The following VGLL4 variants were observed in gnomAD, a reference collection of about 807,000 sequenced individuals.
VGLL4 encodes the protein vestigial like family member 4.
A neutral mutation model predicts 21.0 loss-of-function variants in VGLL4; 7 were observed. The ratio of observed to expected loss-of-function variants is 0.33; its 90% CI spans 0.19 to 0.63. The LOEUF is 0.63. VGLL4 is among the 20% of genes least tolerant of loss of function. The pLI, the probability that VGLL4 is intolerant of heterozygous loss-of-function variation, is 0.78. For synonymous variants in VGLL4, 222 were observed against 173.2 expected, an observed-to-expected ratio of 1.28 and a Z score of -2.21; for missense variants, 394 against 425.7, an observed-to-expected ratio of 0.93 and a Z score of 0.66.
chr3:11,654,479 T>G (rs1298165599), intron 2 of VGLL4, among the ~76,000 whole-genome samples: 1 of 152,190 alleles, frequency 6.6e-6, no homozygotes, highest in Non-Finnish European at 1.5e-5. Context: ...GTCTTACTTT[T>G]AACTAAAAAT....
chr3:11,672,155 G>C (rs1035415269), intron 2 of VGLL4, among the ~76,000 whole-genome samples: 1 of 152,286 alleles, frequency 6.6e-6, no homozygotes, highest in Middle Eastern at 3.4e-3. Flanking sequence ...GAAATTTTGT[G>C]GTTACTTCAA....
chr3:11,665,193 A>C (rs1376290339), intron 2 of VGLL4, among the ~76,000 whole-genome samples: 1 of 134,150 alleles, frequency 7.5e-6, no homozygotes, highest in Non-Finnish European at 1.5e-5. Flanking sequence ...GGCTCACTGC[A>C]AGCTCCGCCT....
intron 2 of VGLL4, among the ~76,000 whole-genome samples, chr3:11,584,208 T>C (rs1353663346): frequency 6.6e-6 from 1 of 152,006 alleles, no homozygotes; most frequent in East Asian, 1.9e-4. Context: ...TCGTAACATA[T>C]CAAGAGAAAG....
At chr3:11,675,015 A>C (rs1425548322) in intron 2 of VGLL4, among the ~76,000 whole-genome samples, 1 of 152,190 alleles carries the variant, frequency 6.6e-6, no homozygotes, top group Non-Finnish European at 1.5e-5. Context: ...GGGATTCCCA[A>C]ATTCCTTCCA....
intron 1 of VGLL4, among the ~76,000 whole-genome samples, chr3:11,711,217 C>G (rs1370214899): frequency 2.6e-5 from 4 of 151,844 alleles, no homozygotes; most frequent in Non-Finnish European, 1.5e-5. Context: ...CCAGCCTGGG[C>G]AACATGGCAA....
At chr3:11,605,409 C>T (rs1233209716) in intron 1 of VGLL4, among the ~76,000 whole-genome samples, 1 of 151,050 alleles carries the variant, frequency 6.6e-6, no homozygotes, top group Non-Finnish European at 1.5e-5. Flanking sequence ...CTTCTGCATT[C>T]GAAACCCCAA....
intron 2 of VGLL4, among the ~76,000 whole-genome samples, chr3:11,680,280 C>G (rs948141313): frequency 3.5e-5 from 5 of 144,368 alleles, no homozygotes; most frequent in Admixed American, 3.4e-4. Flanking sequence ...AGGAGTATCC[C>G]TGCTATGCAA....
intron 1 of VGLL4, among the ~76,000 whole-genome samples, chr3:11,711,974 T>A (rs193257954): frequency 4.2e-4 from 64 of 152,240 alleles, no homozygotes; most frequent in Non-Finnish European, 8.1e-4. Context: ...TCCAGCTCTT[T>A]CTCCTCCCCA....
At position 11,558,325 on chromosome 3, in the gene VGLL4, TAGAC is replaced by T. The variant is rs1483193356; in HGVS notation, c.*227_*230del. On this transcript the variant is annotated 3_prime_UTR_variant, in exon 5 of 5. Coordinates refer to ENST00000430365, the MANE Select transcript of VGLL4 (RefSeq NM_001128219.3). ...GAGGCAGGAAGTAAGGATGCTACAT[TAGAC>T]AGATGTTCCACGCGTAGTTCCTGCT... The T allele has an allele frequency of 1.5e-6, 1 of 676,730 alleles. No individual in the cohort carries two copies. Among genetic ancestry groups the T allele is most frequent in the East Asian group, 2.8e-5 (1 of 36,262 alleles). The allele number at this position is 676,730 out of a possible 1,614,324, so 41.9% of individuals were successfully genotyped here.
At chr3:11,592,169 A>C (rs577371083) in intron 2 of VGLL4, among the ~76,000 whole-genome samples, 1 of 152,366 alleles carries the variant, frequency 6.6e-6, no homozygotes, top group East Asian at 1.9e-4. Flanking sequence ...GAGGGAAAAA[A>C]AACACATGTC....
chr3:11,610,003 C>T (rs959295788), intron 1 of VGLL4, among the ~76,000 whole-genome samples: 1 of 152,156 alleles, frequency 6.6e-6, no homozygotes, highest in Non-Finnish European at 1.5e-5. Context: ...GTTCAGCCCC[C>T]CTCCCAGCCC....
chr3:11,651,336 CAA>C (rs201737430), intron 2 of VGLL4, among the ~76,000 whole-genome samples: 11 of 108,194 alleles, frequency 1.0e-4, no homozygotes, highest in Admixed American at 9.6e-5. Context: ...GAGTGAGACT[CAA>C]AAAAAAAAAA....
intron 1 of VGLL4, among the ~76,000 whole-genome samples, chr3:11,616,453 CTCCTT>C (rs2075165417): frequency 6.6e-6 from 1 of 152,226 alleles, no homozygotes; most frequent in South Asian, 2.1e-4. Context: ...TCCCTAGGGC[CTCCTT>C]TCCTTTCCTA....
intron 1 of VGLL4, chr3:11,610,131 C>CT (rs2075029778): frequency 1.3e-5 from 2 of 151,250 alleles, no homozygotes; most frequent in Non-Finnish European, 3.0e-5. Context: ...AACCGACTGA[C>CT]ATCATGTCCT....
intron 2 of VGLL4, among the ~76,000 whole-genome samples, chr3:11,667,462 T>C (rs193095763): frequency 9.1e-4 from 138 of 152,374 alleles, no homozygotes; most frequent in African/African-American, 3.1e-3. Context: ...CATATTGACA[T>C]ATAGTATATG....
At chr3:11,559,966 G>A (rs1016374847) in intron 3 of VGLL4, among the ~76,000 whole-genome samples, 1 of 152,186 alleles carries the variant, frequency 6.6e-6, no homozygotes, top group East Asian at 1.9e-4. Flanking sequence ...TCGGGACAGA[G>A]AGGAAATGGA....
chr3:11,671,374 C>A (rs1188905884), intron 2 of VGLL4: 2 of 1,027,304 alleles, frequency 1.9e-6, no homozygotes, highest in Non-Finnish European at 3.0e-6. Context: ...TTCTGCATTT[C>A]TAACAAGTTC....
At chr3:11,657,281 C>T (rs771172467) in intron 2 of VGLL4, among the ~76,000 whole-genome samples, 33 of 152,170 alleles carry the variant, frequency 2.2e-4, no homozygotes, top group Admixed American at 4.6e-4. Flanking sequence ...CCGCCATTCA[C>T]TGCAATCTCA....
chr3:11,703,881 C>T (rs899529320), intron 1 of VGLL4, among the ~76,000 whole-genome samples: 1 of 152,234 alleles, frequency 6.6e-6, no homozygotes, highest in African/African-American at 2.4e-5. Flanking sequence ...GTACCTACTA[C>T]GTATGCACCG....
Sources: gnomAD v4.1 joint callset for allele counts (sites outside exome capture counted in the v4.1 genomes callset) on GRCh38, gnomAD v4.1.1 for gene constraint, MANE v1.5 for transcripts, NCBI Gene and HGNC (gene_info 2026-07-23, HGNC 2026-07-21) for gene names.